AGTPBP1: variants seen among roughly 807,000 people sequenced by gnomAD.
AGTPBP1 encodes ATP/GTP binding carboxypeptidase 1, also known as cytosolic carboxypeptidase 1.
Under a neutral mutation model 143.9 loss-of-function variants are expected in AGTPBP1, and 70 were observed. That is an observed-to-expected ratio of 0.49 (90% CI 0.40 to 0.59). AGTPBP1 has a LOEUF of 0.59. Among genes scored for constraint, AGTPBP1 ranks in the 20% least tolerant of loss-of-function variants. The pLI is 0.00. For synonymous variants in AGTPBP1, 463 were observed against 500.2 expected, an observed-to-expected ratio of 0.93 and a Z score of 0.99; for missense variants, 1,229 against 1,464.5, an observed-to-expected ratio of 0.84 and a Z score of 2.62.
intron 1 of AGTPBP1, among the ~76,000 whole-genome samples, chr9:85,719,003 C>G (rs1309906083): frequency 6.6e-6 from 1 of 151,952 alleles, no homozygotes; most frequent in African/African-American, 2.4e-5. Flanking sequence ...ATATCTGAGG[C>G]CTCTGTTCTG....
At chr9:85,712,462 T>A (rs1837441384) in intron 2 of AGTPBP1, 40 bp downstream of exon 2, 7 of 1,119,524 alleles carry the variant, frequency 6.3e-6, no homozygotes, top group Non-Finnish European at 8.8e-6. Flanking sequence ...CATACATTAT[T>A]TCTGTAACTT....
At chr9:85,640,623 A>G (rs905315980) in intron 13 of AGTPBP1, among the ~76,000 whole-genome samples, 1 of 152,216 alleles carries the variant, frequency 6.6e-6, no homozygotes, top group Non-Finnish European at 1.5e-5. Context: ...ACTAATGGAC[A>G]AGTTGGCCAG....
At chr9:85,564,968 C>A (rs1826987128) in intron 25 of AGTPBP1, among the ~76,000 whole-genome samples, 1 of 152,100 alleles carries the variant, frequency 6.6e-6, no homozygotes, top group South Asian at 2.1e-4. Flanking sequence ...ATGTTTATGT[C>A]ACATGAGGTT....
chr9:85,793,032 G>C, the AGTPBP1 span, among the ~76,000 whole-genome samples: 72 of 152,128 alleles, frequency 4.7e-4, no homozygotes, highest in African/African-American at 1.7e-3. Flanking sequence ...GTATTCTCTG[G>C]GAAGATTAAT....
intron 1 of AGTPBP1, among the ~76,000 whole-genome samples, chr9:85,715,959 T>G (rs1837676986): frequency 6.6e-6 from 1 of 152,226 alleles, no homozygotes; most frequent in Non-Finnish European, 1.5e-5. Flanking sequence ...CATAAAATCA[T>G]GATATTTCTG....
chr9:85,581,478 A>G (rs1828256638), intron 23 of AGTPBP1, among the ~76,000 whole-genome samples: 1 of 152,248 alleles, frequency 6.6e-6, no homozygotes, highest in African/African-American at 2.4e-5. Flanking sequence ...CTATAAGCAC[A>G]ATACAAATAC....
In AGTPBP1 at chr9:85,577,032, T is replaced by C. The variant is rs149225861; in HGVS notation, c.3343-1557A>G. On this transcript the variant is annotated intron_variant, in intron 24 of 25. Coordinates refer to ENST00000357081, the MANE Select transcript of AGTPBP1 (RefSeq NM_001330701.2). ...AATAACTAGAAAAAATGGTTTAACA[T>C]TTTATGTTTCAAAATATATCTTAGC... is the stretch of plus-strand genomic sequence containing the variant. 1.6e-4 allele frequency among the ~76,000 whole-genome samples: 25 copies of C among 152,262 alleles called. No homozygotes were observed. In the East Asian group the frequency reaches 4.4e-3, roughly 27 times the overall value.
Position 85,701,237 on chromosome 9 carries a change from A to AT in AGTPBP1, c.33-8425dup, listed in dbSNP as rs1176976488. ...TTTTTTTTTTTATTTTTATTTTTTAATTTTTTTTTTGAGATGGAGTCTTGC... is the reference window on the plus strand; with the variant it reads ...TTTTTTTTTTTATTTTTATTTTTTAATTTTTTTTTTTGAGATGGAGTCTTGC... On this transcript the variant is annotated intron_variant, in intron 2 of 25. Transcript: ENST00000357081. 4.7e-3 allele frequency among the ~76,000 whole-genome samples: 617 copies of AT among 131,402 alleles called. 1 individual carries two copies. The highest frequency in any genetic ancestry group is 8.3e-3 in the African/African-American group (292 of 35,124). The allele number at this position is 131,402 out of a possible 152,430, so 86.2% of individuals were successfully genotyped here. A position where few individuals can be genotyped will look rare whatever the true frequency, so the allele number is the denominator to read the frequency against.
At chr9:85,724,845 A>G (rs1838368410) in intron 1 of AGTPBP1, among the ~76,000 whole-genome samples, 1 of 152,244 alleles carries the variant, frequency 6.6e-6, no homozygotes, top group African/African-American at 2.4e-5. Flanking sequence ...CAGGTGCTAA[A>G]TAAATTTTTT....
At chr9:85,747,354 A>G in the AGTPBP1 span, among the ~76,000 whole-genome samples, 1 of 152,156 alleles carries the variant, frequency 6.6e-6, no homozygotes, top group South Asian at 2.1e-4. Context: ...TTGGCTATTC[A>G]GGGCCCCTAT....
At chr9:85,665,297 G>A (rs899471248) in intron 8 of AGTPBP1, among the ~76,000 whole-genome samples, 13 of 152,134 alleles carry the variant, frequency 8.5e-5, no homozygotes, top group Non-Finnish European at 1.8e-4. Flanking sequence ...GGCAAAAACC[G>A]AAATGCTATG....
the AGTPBP1 span, among the ~76,000 whole-genome samples, chr9:85,777,529 T>C: frequency 5.9e-5 from 9 of 152,204 alleles, 1 homozygote; most frequent in South Asian, 4.1e-4. Flanking sequence ...CATGGGCCCA[T>C]TGGGCAATGA....
intron 25 of AGTPBP1, among the ~76,000 whole-genome samples, chr9:85,567,541 G>A (rs779918692): frequency 1.6e-4 from 25 of 152,136 alleles, no homozygotes; most frequent in African/African-American, 3.1e-4. Flanking sequence ...GCAGTGAGTC[G>A]AGATCGCGCC....
chr9:85,769,356 T>G, the AGTPBP1 span, among the ~76,000 whole-genome samples: 473 of 152,034 alleles, frequency 3.1e-3, 3 homozygotes, highest in African/African-American at 0.011. Flanking sequence ...TACCATAGAT[T>G]TGTATCACCA....
At position 85,729,072 on chromosome 9, in the gene AGTPBP1, T is replaced by C. The variant is rs554742265; in HGVS notation, c.-34+12703A>G. Among the ~76,000 whole-genome samples, 385 of 152,274 alleles carry C rather than the reference T, an allele frequency of 2.5e-3. 2 individuals carry two copies. The highest frequency in any genetic ancestry group is 3.3e-3 in the Non-Finnish European group (222 of 68,008). ...GCATAAAGACAGACATACAGACCAA[T>C]GGAATGAAAGTCCAGAAATAAACTC... On this transcript the variant is annotated intron_variant, in intron 1 of 25. Coordinates refer to ENST00000357081, the MANE Select transcript of AGTPBP1 (RefSeq NM_001330701.2).
At chr9:85,798,771 G>A in the AGTPBP1 span, among the ~76,000 whole-genome samples, 6 of 152,086 alleles carry the variant, frequency 3.9e-5, no homozygotes, top group South Asian at 4.1e-4. Context: ...TTAAGAATGA[G>A]GTGATATCTG....
the AGTPBP1 span, among the ~76,000 whole-genome samples, chr9:85,764,095 G>GA: frequency 4.6e-4 from 70 of 151,436 alleles, no homozygotes; most frequent in African/African-American, 1.6e-3. Flanking sequence ...TGTAAGCCAA[G>GA]AAAGAAAAGT....
At chr9:85,703,037 T>C (rs1836771036) in intron 2 of AGTPBP1, among the ~76,000 whole-genome samples, 2 of 152,208 alleles carry the variant, frequency 1.3e-5, no homozygotes, top group Non-Finnish European at 2.9e-5. Context: ...CTTTCTGAGA[T>C]CTGCTATTCT....
intron 1 of AGTPBP1, among the ~76,000 whole-genome samples, chr9:85,733,992 G>A (rs537902262): frequency 1.3e-5 from 2 of 152,294 alleles, no homozygotes; most frequent in African/African-American, 2.4e-5. Flanking sequence ...GGTGGCTCAC[G>A]CCTGTAATCC....
Sources: gnomAD v4.1 joint callset for allele counts (sites outside exome capture counted in the v4.1 genomes callset) on GRCh38, gnomAD v4.1.1 for gene constraint, MANE v1.5 for transcripts, NCBI Gene and HGNC (gene_info 2026-07-23, HGNC 2026-07-21) for gene names.